Variants in TMEM132C observed in about 807,000 individuals in gnomAD.
TMEM132C encodes transmembrane protein 132C.
TMEM132C carries 29 observed loss-of-function variants against 61.4 expected under a neutral mutation model. That is an observed-to-expected ratio of 0.47 (90% CI 0.35 to 0.64). The LOEUF is 0.64. Ranked by LOEUF, TMEM132C falls within the 30% of genes least tolerant of loss-of-function variation. The pLI, the probability that TMEM132C is intolerant of heterozygous loss-of-function variation, is 0.00. For missense variants in TMEM132C, 1,408 were observed against 1,476.9 expected, an observed-to-expected ratio of 0.95 and a Z score of 0.76; for synonymous variants, 656 against 633.1, an observed-to-expected ratio of 1.04 and a Z score of -0.54.
In TMEM132C at chr12:128,544,099, A is replaced by C. The variant is rs764793746; in HGVS notation, c.1117A>C (p.Asn373His). 2 of 1,534,110 alleles carry C rather than the reference A, an allele frequency of 1.3e-6. No homozygotes were observed. Among genetic ancestry groups the C allele is most frequent in the South Asian group, 2.5e-5 (2 of 81,404 alleles). ...ACQRLGPSPR[N>H]RSSSLFNEVV... Reference sequence around the variant, plus strand: ...CCAGCGCCTGGGGCCCAGCCCACGCAACAGGTAAGCGGTGCCCTCCCTGCA... The same window carrying C: ...CCAGCGCCTGGGGCCCAGCCCACGCCACAGGTAAGCGGTGCCCTCCCTGCA... Residue 373 changes from asparagine to histidine, a missense_variant, in exon 3 of 9, where the codon AAC becomes CAC. Asn to His is a moderately conservative substitution (Grantham distance 68). Transcript: ENST00000435159.
At chr12:128,661,798 A>T (rs887130709) in intron 4 of TMEM132C, among the ~76,000 whole-genome samples, 3 of 152,266 alleles carry the variant, frequency 2.0e-5, no homozygotes, top group African/African-American at 7.2e-5. Flanking sequence ...TCATAAAAAC[A>T]TAATGTTGAG....
chr12:128,384,005 G>A (rs1158807165), intron 1 of TMEM132C, among the ~76,000 whole-genome samples: 4 of 152,048 alleles, frequency 2.6e-5, no homozygotes, highest in Non-Finnish European at 5.9e-5. Context: ...AAGCTGCAGA[G>A]TTTAAAAACA....
At chr12:128,327,517 G>A (rs922758224) in intron 1 of TMEM132C, among the ~76,000 whole-genome samples, 3 of 151,476 alleles carry the variant, frequency 2.0e-5, no homozygotes, top group Non-Finnish European at 4.4e-5. Flanking sequence ...CGAGTAGCTG[G>A]GACTACAGGT....
At chr12:128,459,884 CAAAAAAAAAA>C (rs71069569) in intron 2 of TMEM132C, among the ~76,000 whole-genome samples, 3 of 82,194 alleles carry the variant, frequency 3.6e-5, no homozygotes, top group Admixed American at 1.7e-4. Flanking sequence ...GACTCTGTCT[CAAAAAAAAAA>C]AAAAAAAAAA....
intron 1 of TMEM132C, among the ~76,000 whole-genome samples, chr12:128,384,156 AG>A (rs2135993675): frequency 6.6e-6 from 1 of 152,368 alleles, no homozygotes; most frequent in African/African-American, 2.4e-5. Flanking sequence ...GTCAATCATT[AG>A]AGGAGCTGAA....
At chr12:128,584,212 C>G (rs1301709058) in intron 3 of TMEM132C, among the ~76,000 whole-genome samples, 1 of 152,192 alleles carries the variant, frequency 6.6e-6, no homozygotes, top group Non-Finnish European at 1.5e-5. Context: ...GAGAAAGTCC[C>G]CTGACCTTTG....
At chr12:128,426,410 G>A (rs901605035) in intron 2 of TMEM132C, among the ~76,000 whole-genome samples, 7 of 152,148 alleles carry the variant, frequency 4.6e-5, no homozygotes, top group African/African-American at 7.2e-5. Context: ...GGATTCCTCA[G>A]GAGCAAGCTG....
intron 1 of TMEM132C, among the ~76,000 whole-genome samples, chr12:128,315,451 G>GAGGGAGCATCTGTGCCTGTCTCTC (rs1408312499): frequency 1.8e-4 from 28 of 152,146 alleles, no homozygotes; most frequent in African/African-American, 5.5e-4. Context: ...AGAAAACCGC[G>GAGGGAGCATCTGTGCCTGTCTCTC]CCATTTCAGA....
At chr12:128,439,403 G>C (rs1423502600) in intron 2 of TMEM132C, among the ~76,000 whole-genome samples, 1 of 152,092 alleles carries the variant, frequency 6.6e-6, no homozygotes, top group Non-Finnish European at 1.5e-5. Flanking sequence ...TTGAAATAAT[G>C]GCCAGAAAGA....
At chr12:128,267,548 C>A in intron 1 of TMEM132C, 61 bp downstream of exon 1, 1 of 1,195,174 alleles carries the variant, frequency 8.4e-7, no homozygotes, top group Non-Finnish European at 1.0e-6. Flanking sequence ...TCCGGGGGAG[C>A]TCGGGGTGAG....
intron 1 of TMEM132C, among the ~76,000 whole-genome samples, chr12:128,379,624 C>T (rs1278877956): frequency 6.6e-6 from 1 of 152,170 alleles, no homozygotes; most frequent in African/African-American, 2.4e-5. Context: ...CTTCACATGA[C>T]CTCCTCCTCT....
intron 3 of TMEM132C, among the ~76,000 whole-genome samples, chr12:128,587,030 G>T (rs1317988600): frequency 1.3e-5 from 2 of 152,376 alleles, no homozygotes; most frequent in Admixed American, 6.5e-5. Flanking sequence ...CATAAAGGCG[G>T]AAGGAGAATG....
chr12:128,559,032 C>T (rs1390720562), intron 3 of TMEM132C, among the ~76,000 whole-genome samples: 1 of 152,080 alleles, frequency 6.6e-6, no homozygotes. Flanking sequence ...AGTGCAAGCC[C>T]CCAGAGGTGA....
At chr12:128,516,967 A>G (rs1872737873) in intron 2 of TMEM132C, among the ~76,000 whole-genome samples, 1 of 151,768 alleles carries the variant, frequency 6.6e-6, no homozygotes, top group African/African-American at 2.4e-5. Context: ...CACGCCTGTA[A>G]TACCAACAAT....
intron 1 of TMEM132C, among the ~76,000 whole-genome samples, chr12:128,289,723 T>C (rs1232632158): frequency 6.6e-6 from 1 of 152,258 alleles, no homozygotes; most frequent in Non-Finnish European, 1.5e-5. Context: ...ATTGGTATCA[T>C]CTGCACTTCC....
chr12:128,295,638 CAAAAA>C (rs59555369), intron 1 of TMEM132C, among the ~76,000 whole-genome samples: 1 of 116,012 alleles, frequency 8.6e-6, no homozygotes, highest in African/African-American at 3.3e-5. Context: ...TTAAGTCCTT[CAAAAA>C]AAAAAAAAAA....
At chr12:128,516,193 C>G (rs1382706427) in intron 2 of TMEM132C, among the ~76,000 whole-genome samples, 1 of 152,184 alleles carries the variant, frequency 6.6e-6, no homozygotes, top group African/African-American at 2.4e-5. Flanking sequence ...AAAAAAACTT[C>G]AGGAAAATAC....
intron 3 of TMEM132C, among the ~76,000 whole-genome samples, chr12:128,545,538 C>T (rs1873917193): frequency 6.6e-6 from 1 of 152,230 alleles, no homozygotes. Flanking sequence ...CTCCAAACTA[C>T]TTTCCACTGT....
intron 2 of TMEM132C, among the ~76,000 whole-genome samples, chr12:128,527,018 C>T (rs1290638800): frequency 6.6e-6 from 1 of 152,176 alleles, no homozygotes. Flanking sequence ...CACTTGTAAT[C>T]CATGCACCTC....
Sources: allele counts gnomAD v4.1 joint callset (sites outside exome capture counted in the v4.1 genomes callset), GRCh38; gene constraint gnomAD v4.1.1; transcripts MANE v1.5; gene names NCBI Gene and HGNC (gene_info 2026-07-23, HGNC 2026-07-21).